Variants in PADI2 observed in about 807,000 individuals in gnomAD.
PADI2 encodes peptidyl arginine deiminase 2, also known as protein-arginine deiminase type-2.
Under a neutral mutation model 81.1 loss-of-function variants are expected in PADI2, and 70 were observed. The observed-to-expected ratio is 0.86, with a 90% CI of 0.71 to 1.05. The LOEUF (loss-of-function observed/expected upper bound fraction) is 1.05, where lower values mean the gene tolerates loss of function less well. Ranked by LOEUF, PADI2 falls within the 50% of genes least tolerant of loss-of-function variation. PADI2 has a pLI of 0.00. For synonymous variants in PADI2, 338 were observed against 358.0 expected (o/e 0.94, Z 0.63); for missense variants, 853 against 889.9 (o/e 0.96, Z 0.53).
At chr1:17,086,196 G>A (rs1399945049) in intron 7 of PADI2, among the ~76,000 whole-genome samples, 7 of 152,306 alleles carry the variant, frequency 4.6e-5, no homozygotes, top group East Asian at 3.9e-4. Flanking sequence ...TTAGAGCCTC[G>A]CGCTAATCAG....
chr1:17,108,393 C>T (rs538318755), intron 1 of PADI2, among the ~76,000 whole-genome samples: 102 of 152,136 alleles, frequency 6.7e-4, no homozygotes, highest in Non-Finnish European at 1.3e-3. Context: ...AGTCCCTACG[C>T]CTCAGGAGGA....
intron 1 of PADI2, among the ~76,000 whole-genome samples, chr1:17,112,560 C>T (rs1244152541): frequency 4.6e-5 from 7 of 152,084 alleles, no homozygotes. Context: ...TGTCATGCAA[C>T]CCCATGGCGA....
intron 3 of PADI2, among the ~76,000 whole-genome samples, chr1:17,101,629 G>A (rs1035568769): frequency 2.6e-5 from 4 of 152,152 alleles, no homozygotes; most frequent in African/African-American, 9.7e-5. Flanking sequence ...AAGCCCATTT[G>A]GGAATTAGCC....
At chr1:17,071,653 C>A (rs2078265391) in intron 13 of PADI2, among the ~76,000 whole-genome samples, 162 bp from the exon 14 acceptor site, 1 of 152,196 alleles carries the variant, frequency 6.6e-6, no homozygotes, top group South Asian at 2.1e-4. Flanking sequence ...CAGGCAAAAT[C>A]AGGCCCCCCT....
intron 1 of PADI2, among the ~76,000 whole-genome samples, chr1:17,116,442 G>T (rs964891138): frequency 2.0e-5 from 3 of 152,178 alleles, no homozygotes; most frequent in Non-Finnish European, 4.4e-5. Flanking sequence ...CTACTTGGAG[G>T]CTCTGGGGGC....
At chr1:17,089,917 C>T (rs987079612) in intron 6 of PADI2, among the ~76,000 whole-genome samples, 7 of 152,134 alleles carry the variant, frequency 4.6e-5, no homozygotes, top group South Asian at 4.1e-4. Flanking sequence ...CACTTCCCAG[C>T]GAGACTCCTT....
In PADI2 at chr1:17,075,692, A is replaced by T. The variant is rs1197122505; in HGVS notation, c.1442T>A (p.Ile481Asn). Reference protein sequence around the residue: ...HVDEFMSFVPIPGTKKFLLLM... With the variant: ...HVDEFMSFVPNPGTKKFLLLM... The stretch of plus-strand genomic sequence containing the variant: ...AGGCTAGCTTACCTTTGTGCCGGGG[A>T]TGGGGACAAAGGACATGAACTCATC... The change falls in exon 12 of 16, where the codon ATC becomes AAC. Residue 481 changes from isoleucine to asparagine, a missense_variant. Physicochemically the swap from Ile to Asn is moderately radical, Grantham distance 149 (BLOSUM62 -3). Coordinates refer to ENST00000375486, the MANE Select transcript of PADI2 (RefSeq NM_007365.3). The T allele has an allele frequency of 6.2e-7, 1 of 1,611,652 alleles. No individual in the cohort carries two copies. The highest frequency in any genetic ancestry group is 1.7e-5 in the Admixed American group (1 of 59,312).
chr1:17,100,565 G>A (rs984141632), intron 3 of PADI2, among the ~76,000 whole-genome samples: 1 of 152,000 alleles, frequency 6.6e-6, no homozygotes, highest in Admixed American at 6.6e-5. Flanking sequence ...GATTACAGGC[G>A]TGAGCCACTG....
At chr1:17,079,694 G>T (rs1476301337) in intron 10 of PADI2, among the ~76,000 whole-genome samples, 3 of 152,042 alleles carry the variant, frequency 2.0e-5, no homozygotes, top group Non-Finnish European at 2.9e-5. Flanking sequence ...GTGGGCATCT[G>T]CATTCCTGTG....
chr1:17,105,186 C>A (rs2647172), intron 1 of PADI2, 125 bp from the exon 2 acceptor site: 431,279 of 596,248 alleles, frequency 0.72, 156,667 homozygotes, highest in East Asian at 0.87. Context: ...TGAGCCCAGG[C>A]GTTTGAGACC....
chr1:17,112,339 C>T (rs1481743290), intron 1 of PADI2, among the ~76,000 whole-genome samples: 1 of 152,096 alleles, frequency 6.6e-6, no homozygotes, highest in African/African-American at 2.4e-5. Flanking sequence ...CCTTGCAGGG[C>T]TGGGGTGGCT....
intron 1 of PADI2, among the ~76,000 whole-genome samples, chr1:17,111,161 C>T (rs912716535): frequency 7.0e-6 from 1 of 142,874 alleles, no homozygotes; most frequent in African/African-American, 2.6e-5. Context: ...GATCTTGGCT[C>T]ACTGCAATCT....
intron 6 of PADI2, among the ~76,000 whole-genome samples, chr1:17,092,120 A>ACTC (rs1467211691): frequency 1.3e-5 from 2 of 151,936 alleles, no homozygotes; most frequent in Non-Finnish European, 2.9e-5. Flanking sequence ...AGGTGACATG[A>ACTC]CTCCAGAAAA....
chr1:17,098,498 C>T (rs185825685), intron 3 of PADI2, among the ~76,000 whole-genome samples: 92 of 152,282 alleles, frequency 6.0e-4, no homozygotes, highest in African/African-American at 2.1e-3. Context: ...AAAATAGTAA[C>T]ACACTGTTTC....
At chr1:17,114,328 TC>T (rs1931684993) in intron 1 of PADI2, among the ~76,000 whole-genome samples, 1 of 152,136 alleles carries the variant, frequency 6.6e-6, no homozygotes, top group African/African-American at 2.4e-5. Context: ...CTTCATTGAC[TC>T]CAGGGAGGAT....
At chr1:17,118,273 G>C (rs1931824532) in intron 1 of PADI2, among the ~76,000 whole-genome samples, 1 of 152,104 alleles carries the variant, frequency 6.6e-6, no homozygotes. Flanking sequence ...TGTCAGCACA[G>C]GGTCCCACCT....
At chr1:17,069,549 ATGTACATG>A (rs1352302431) in intron 15 of PADI2, among the ~76,000 whole-genome samples, 19 of 152,230 alleles carry the variant, frequency 1.2e-4, no homozygotes, top group African/African-American at 4.3e-4. Flanking sequence ...CAGTGTGTAC[ATGTACATG>A]TGTATGAATG....
At chr1:17,076,567 A>G (rs1196422201) in intron 11 of PADI2, among the ~76,000 whole-genome samples, 2 of 151,238 alleles carry the variant, frequency 1.3e-5, no homozygotes, top group Admixed American at 1.3e-4. Flanking sequence ...GCCCTTCCTC[A>G]TTTCTTTTTT....
rs183680022 is a variant in PADI2 at position 17,091,050 on chromosome 1, C to T, written c.655+1358G>A. Among the ~76,000 whole-genome samples, 44 of 151,974 alleles carry T rather than the reference C, an allele frequency of 2.9e-4. 1 individual carries two copies. The East Asian group carries it at 6.4e-3, about 22-fold the overall frequency. ...CAACATCAACATCTCCGGCCCCCTG[C>T]GGCAGCGGAGCCAGCCTGACTCTGG... On this transcript the variant is annotated intron_variant, in intron 6 of 15. Coordinates refer to ENST00000375486, the MANE Select transcript of PADI2 (RefSeq NM_007365.3).
Sources: allele counts gnomAD v4.1 joint callset (sites outside exome capture counted in the v4.1 genomes callset), GRCh38; gene constraint gnomAD v4.1.1; transcripts MANE v1.5; gene names NCBI Gene and HGNC (gene_info 2026-07-23, HGNC 2026-07-21).